Variants in GSK3B observed in about 807,000 individuals in gnomAD.
GSK3B encodes glycogen synthase kinase-3 beta.
GSK3B carries 15 observed loss-of-function variants against 56.4 expected under a neutral mutation model. That is an observed-to-expected ratio of 0.27 (90% CI 0.18 to 0.41). The LOEUF is 0.41. Among genes scored for constraint, GSK3B ranks in the 10% least tolerant of loss-of-function variants. GSK3B has a pLI of 1.00. For missense variants in GSK3B, 300 were observed against 513.4 expected, an observed-to-expected ratio of 0.58 and a Z score of 4.02; for synonymous variants, 181 against 188.9, an observed-to-expected ratio of 0.96 and a Z score of 0.34.
At position 120,011,397 on chromosome 3, in the gene GSK3B, G is replaced by A. The variant is rs554016971; in HGVS notation, c.89-9158C>T. Among the ~76,000 whole-genome samples, 3 of 152,272 alleles carry A rather than the reference G, an allele frequency of 2.0e-5. No homozygotes were observed. The South Asian group carries it at 6.2e-4, about 32-fold the overall frequency. ...AGCATCTCTTCACTCCAGCCACTGA[G>A]CCTAGGAATGTCTATCCCAGCATCA... is the stretch of plus-strand genomic sequence containing the variant. On this transcript the variant is annotated intron_variant, in intron 1 of 10. Coordinates refer to ENST00000264235, the MANE Select transcript of GSK3B (RefSeq NM_001146156.2).
intron 1 of GSK3B, among the ~76,000 whole-genome samples, chr3:120,090,072 T>C (rs571971419): frequency 3.3e-5 from 5 of 152,076 alleles, no homozygotes; most frequent in African/African-American, 4.8e-5. Context: ...TCATTATTTA[T>C]AAAAAACAAG....
At chr3:120,004,261 G>T (rs2057705554) in intron 1 of GSK3B, among the ~76,000 whole-genome samples, 1 of 152,192 alleles carries the variant, frequency 6.6e-6, no homozygotes, top group East Asian at 1.9e-4. Context: ...AAAGCAGCAG[G>T]GAAGCTCAAA....
At chr3:119,954,793 G>A (rs2057195829) in intron 2 of GSK3B, among the ~76,000 whole-genome samples, 1 of 151,916 alleles carries the variant, frequency 6.6e-6, no homozygotes, top group African/African-American at 2.4e-5. Context: ...AAAAGAGAGA[G>A]AAAAGAGAAA....
chr3:119,954,122 G>A (rs745326071), intron 2 of GSK3B, among the ~76,000 whole-genome samples: 7 of 152,032 alleles, frequency 4.6e-5, no homozygotes, highest in Non-Finnish European at 7.4e-5. Flanking sequence ...CTTTAACAAA[G>A]TAATTTCCCA....
intron 1 of GSK3B, among the ~76,000 whole-genome samples, chr3:120,075,444 T>C (rs1420829102): frequency 2.0e-5 from 3 of 152,012 alleles, no homozygotes; most frequent in African/African-American, 4.8e-5. Context: ...AATCAGAAAA[T>C]TATCTCTATT....
rs548105935 is a variant in GSK3B at position 119,956,471 on chromosome 3, CTTCCTAATCTGAAA to C, written c.283-9134_283-9121del. ...TTAGTATTATCTTTACCCATTAAGC[CTTCCTAATCTGAAA>C]ATCCAAAATTCAAAATGCTCCAATG... On this transcript the variant is annotated intron_variant, in intron 2 of 10. Coordinates refer to ENST00000264235, the MANE Select transcript of GSK3B (RefSeq NM_001146156.2). 5.4e-3 allele frequency among the ~76,000 whole-genome samples: 828 copies of C among 152,282 alleles called. 7 individuals carry two copies. The highest frequency in any genetic ancestry group is 8.5e-3 in the Non-Finnish European group (575 of 68,036).
intron 4 of GSK3B, among the ~76,000 whole-genome samples, chr3:119,919,790 GTGAAT>G (rs1314052368): frequency 6.6e-6 from 1 of 151,876 alleles, no homozygotes; most frequent in East Asian, 1.9e-4. Flanking sequence ...TGGTCACTGG[GTGAAT>G]TAACTAGAAT....
At chr3:120,083,842 A>T (rs1443234111) in intron 1 of GSK3B, among the ~76,000 whole-genome samples, 1 of 152,264 alleles carries the variant, frequency 6.6e-6, no homozygotes, top group African/African-American at 2.4e-5. Flanking sequence ...GTACTAATAC[A>T]TGCTATAACA....
intron 1 of GSK3B, among the ~76,000 whole-genome samples, chr3:120,027,564 C>G (rs1171645096): frequency 6.6e-6 from 1 of 152,076 alleles, no homozygotes; most frequent in Non-Finnish European, 1.5e-5. Context: ...TGTCCAATAG[C>G]AGAGAATCAT....
intron 8 of GSK3B, among the ~76,000 whole-genome samples, chr3:119,868,959 A>G (rs2056216468): frequency 6.6e-6 from 1 of 152,194 alleles, no homozygotes; most frequent in Non-Finnish European, 1.5e-5. Context: ...TTAACTAAGA[A>G]AGAAATCAAG....
chr3:119,893,976 GCTGT>G (rs965642293), intron 7 of GSK3B, among the ~76,000 whole-genome samples: 1 of 151,616 alleles, frequency 6.6e-6, no homozygotes, highest in Non-Finnish European at 1.5e-5. Context: ...AATCATCACT[GCTGT>G]CTAATTTTAG....
intron 1 of GSK3B, chr3:120,041,447 CA>C (rs1559887805): frequency 7.6e-6 from 2 of 263,496 alleles, no homozygotes; most frequent in Non-Finnish European, 1.6e-5. Flanking sequence ...TGCATACCTT[CA>C]AAAAAGACTT....
chr3:120,080,120 G>A (rs552421680), intron 1 of GSK3B, among the ~76,000 whole-genome samples: 22 of 152,084 alleles, frequency 1.4e-4, no homozygotes, highest in African/African-American at 5.1e-4. Flanking sequence ...GCAAAATCTC[G>A]TCTCTACAAA....
intron 3 of GSK3B, among the ~76,000 whole-genome samples, chr3:119,944,210 C>G (rs1335222829): frequency 6.6e-6 from 1 of 152,116 alleles, no homozygotes; most frequent in East Asian, 1.9e-4. Context: ...TTCCTGTAGG[C>G]TCATGTTCTT....
intron 7 of GSK3B, among the ~76,000 whole-genome samples, chr3:119,896,581 T>C (rs1010325008): frequency 3.9e-5 from 6 of 152,194 alleles, no homozygotes; most frequent in Non-Finnish European, 8.8e-5. Context: ...GCTTTATAAA[T>C]ATGAAATAGC....
chr3:119,839,812 G>A (rs2055747039), intron 10 of GSK3B, among the ~76,000 whole-genome samples: 2 of 152,124 alleles, frequency 1.3e-5, no homozygotes, highest in South Asian at 2.1e-4. Flanking sequence ...CCATTACACT[G>A]ATTTAAATCA....
chr3:119,849,530 C>G (rs1307201812), intron 9 of GSK3B, among the ~76,000 whole-genome samples: 1 of 152,152 alleles, frequency 6.6e-6, no homozygotes, highest in Non-Finnish European at 1.5e-5. Context: ...TCTGTGGTCC[C>G]TCTCCTTATG....
chr3:120,060,409 A>G (rs1277383487), intron 1 of GSK3B, among the ~76,000 whole-genome samples: 1 of 152,174 alleles, frequency 6.6e-6, no homozygotes, highest in African/African-American at 2.4e-5. Context: ...AAATTTCTTC[A>G]ATTCTTGAAA....
At chr3:119,969,661 T>C (rs1210298959) in intron 2 of GSK3B, among the ~76,000 whole-genome samples, 1 of 152,134 alleles carries the variant, frequency 6.6e-6, no homozygotes, top group African/African-American at 2.4e-5. Flanking sequence ...CAGTAACAGA[T>C]GGCCCAGAAC....
Sources: gnomAD v4.1 joint callset for allele counts (sites outside exome capture counted in the v4.1 genomes callset) on GRCh38, gnomAD v4.1.1 for gene constraint, MANE v1.5 for transcripts, NCBI Gene and HGNC (gene_info 2026-07-23, HGNC 2026-07-21) for gene names.